VPS53: variants seen among roughly 807,000 people sequenced by gnomAD.
VPS53 encodes the protein vacuolar protein sorting-associated protein 53 homolog.
Under a neutral mutation model 107.0 loss-of-function variants are expected in VPS53, and 70 were observed. The observed-to-expected ratio is 0.65, with a 90% CI of 0.54 to 0.80. The LOEUF (loss-of-function observed/expected upper bound fraction) is 0.80. Ranked by LOEUF, VPS53 falls within the 30% of genes least tolerant of loss-of-function variation. VPS53 has a pLI of 0.00. For synonymous variants in VPS53, 409 were observed against 393.3 expected (o/e 1.04, Z -0.47); for missense variants, 917 against 1,049.4 (o/e 0.87, Z 1.74).
rs545121710 is a variant in VPS53, at chr17:667,019, G to A, written c.286-5124C>T. ...CAATGCAGTCAAGGGAATGGACAGCGATGACATGAAGTAGAGGCTGTGATC... is the reference window on the plus strand; with the variant it reads ...CAATGCAGTCAAGGGAATGGACAGCAATGACATGAAGTAGAGGCTGTGATC... On this transcript the variant is annotated intron_variant, in intron 4 of 21. Transcript: ENST00000437048. 5.3e-5 allele frequency among the ~76,000 whole-genome samples: 8 copies of A among 152,330 alleles called. No individual in the cohort carries two copies. In the South Asian group the frequency reaches 8.3e-4, roughly 16 times the overall value.
chr17:626,623 G>A (rs1364795986), intron 10 of VPS53, among the ~76,000 whole-genome samples: 2 of 152,280 alleles, frequency 1.3e-5, no homozygotes, highest in South Asian at 2.1e-4. Context: ...GCAGTGAGCT[G>A]GGATTGTATC....
At chr17:702,765 T>C (rs1973255229) in intron 2 of VPS53, among the ~76,000 whole-genome samples, 1 of 152,258 alleles carries the variant, frequency 6.6e-6, no homozygotes. Context: ...TTCCAGGCTT[T>C]CTGCTGGAGG....
chr17:571,302 A>C (rs1914029299), intron 13 of VPS53, among the ~76,000 whole-genome samples: 1 of 151,972 alleles, frequency 6.6e-6, no homozygotes, highest in Non-Finnish European at 1.5e-5. Flanking sequence ...AAGAAAAAGA[A>C]GGAAGAGAAA....
At chr17:545,855 C>G (rs1448234879) in intron 17 of VPS53, among the ~76,000 whole-genome samples, 2 of 152,174 alleles carry the variant, frequency 1.3e-5, no homozygotes, top group Non-Finnish European at 2.9e-5. Context: ...TATGCTCTGG[C>G]TGAGGCAAGA....
chr17:548,666 T>C (rs899645198), intron 17 of VPS53, among the ~76,000 whole-genome samples: 1 of 152,272 alleles, frequency 6.6e-6, no homozygotes, highest in South Asian at 2.1e-4. Context: ...TTGGTTGTTC[T>C]CAGTTTTCTT....
rs575534748 is a variant in VPS53, at chr17:692,773, C to A, written c.285+4645G>T. On this transcript the variant is annotated intron_variant, in intron 4 of 21. Coordinates refer to ENST00000437048, the MANE Select transcript of VPS53 (RefSeq NM_001128159.3). ...ATCCCAGCACTTTGGGAGGCCGAGG[C>A]GGGCGGACCACAAGGTCAGGAGTTT... is the stretch of plus-strand genomic sequence containing the variant. Among the ~76,000 whole-genome samples the A allele has an allele frequency of 9.5e-4, 145 of 152,280 alleles. 2 individuals are homozygous for A. The highest frequency in any genetic ancestry group is 3.4e-3 in the African/African-American group (142 of 41,566).
chr17:641,389 A>G (rs1023425634), intron 7 of VPS53, among the ~76,000 whole-genome samples: 2 of 152,246 alleles, frequency 1.3e-5, no homozygotes, highest in African/African-American at 4.8e-5. Context: ...TTCCTCTTCT[A>G]ACCATGAAAA....
intron 16 of VPS53, chr17:552,799 T>C (rs1597287436): frequency 1.4e-5 from 4 of 284,958 alleles, no homozygotes; most frequent in East Asian, 1.3e-4. Context: ...TAGTGGCCAG[T>C]AGGGACTCAT....
chr17:519,951 A>G lies in VPS53; in HGVS notation c.2224-21T>C. On this transcript the variant is annotated intron_variant, in intron 20 of 21. Coordinates refer to ENST00000437048, the MANE Select transcript of VPS53 (RefSeq NM_001128159.3). The surrounding 1 kb of genome is among the most constrained non-coding windows in gnomAD (Gnocchi z 5.0). ...ACTACCTACAGCGGGAGGAGACAGG[A>G]GCAAGCCCCTCAGGAAAACTACCAC... 6.5e-7 allele frequency: 1 copy of G among 1,527,150 alleles called. No individual in the cohort carries two copies. Among genetic ancestry groups the G allele is most frequent in the African/African-American group, 1.4e-5 (1 of 72,626 alleles). The allele number at this position is 1,527,150 out of a possible 1,614,324, so 94.6% of individuals were successfully genotyped here. A position where few individuals can be genotyped will look rare whatever the true frequency, so the allele number is the denominator to read the frequency against.
intron 17 of VPS53, among the ~76,000 whole-genome samples, chr17:544,069 C>T (rs951639396): frequency 1.3e-5 from 2 of 151,010 alleles, no homozygotes; most frequent in East Asian, 2.0e-4. Context: ...AAAGAAGATA[C>T]CAGAAGGAAA....
intron 17 of VPS53, among the ~76,000 whole-genome samples, chr17:539,746 T>C (rs1182989676): frequency 1.3e-5 from 2 of 152,186 alleles, no homozygotes; most frequent in African/African-American, 4.8e-5. Context: ...CTGCCCAGGA[T>C]AGCTACATTA....
chr17:612,256 A>C (rs1237620919), intron 11 of VPS53, among the ~76,000 whole-genome samples: 2 of 130,374 alleles, frequency 1.5e-5, no homozygotes, highest in Admixed American at 7.5e-5. Flanking sequence ...CTGTACAAAT[A>C]TTCACATAGT....
intron 5 of VPS53, among the ~76,000 whole-genome samples, chr17:661,044 G>T: frequency 6.6e-6 from 1 of 151,970 alleles, no homozygotes; most frequent in East Asian, 1.9e-4. Context: ...CACATACACA[G>T]ATCATGGGCG....
rs551728341 is a variant in VPS53 at position 692,508 on chromosome 17, G to A, written c.285+4910C>T. On this transcript the variant is annotated intron_variant, in intron 4 of 21. Transcript: ENST00000437048. ...AGACTCTGCAAACGTTTAGCAGAAT[G>A]TTAACCAAGCGGCTGGTATTTCAGA... Among the ~76,000 whole-genome samples the A allele has an allele frequency of 3.3e-5, 5 of 152,326 alleles. No homozygotes were observed. The South Asian group carries it at 1.0e-3, about 32-fold the overall frequency.
intron 18 of VPS53, among the ~76,000 whole-genome samples, chr17:534,499 A>G (rs1438096493): frequency 6.6e-6 from 1 of 152,164 alleles, no homozygotes; most frequent in Non-Finnish European, 1.5e-5. Context: ...GAGAGTAAAC[A>G]AGGGGCTATT....
chr17:678,930 C>T (rs1395539453), intron 4 of VPS53, among the ~76,000 whole-genome samples: 2 of 212 alleles, frequency 9.4e-3, no homozygotes, highest in African/African-American at 0.017. Flanking sequence ...TGAGCCACCG[C>T]GCCCCCGCCA....
At chr17:575,387 T>C (rs1567640598) in intron 13 of VPS53, among the ~76,000 whole-genome samples, 2 of 152,204 alleles carry the variant, frequency 1.3e-5, no homozygotes, top group South Asian at 2.1e-4. Flanking sequence ...TGAAGTGCAA[T>C]CAGACCTAAA....
chr17:579,518 T>C, intron 13 of VPS53, among the ~76,000 whole-genome samples: 1 of 137,054 alleles, frequency 7.3e-6, no homozygotes, highest in East Asian at 2.4e-4. Flanking sequence ...TCCCTCACAA[T>C]CTCAGTGCAT....
At position 517,298 on chromosome 17, in the gene VPS53, C is replaced by T. The variant is rs1908378934; in HGVS notation, c.*1830G>A. ...AGACGCTTGATGCGTGAGAGTCAAA[C>T]CAGCTAGCAAGGACAGCCTGGAAGC... On this transcript the variant is annotated 3_prime_UTR_variant, in exon 22 of 22. Coordinates refer to ENST00000437048, the MANE Select transcript of VPS53 (RefSeq NM_001128159.3). 2.5e-6 allele frequency: 1 copy of T among 395,696 alleles called. No homozygotes were observed. The highest frequency in any genetic ancestry group is 1.4e-4 in the South Asian group (1 of 7,372). 24.5% of individuals were successfully genotyped at this position (395,696 alleles called of 1,614,324 possible).
Sources: allele counts gnomAD v4.1 joint callset (sites outside exome capture counted in the v4.1 genomes callset), GRCh38; gene constraint gnomAD v4.1.1; non-coding constraint Gnocchi (gnomAD v3.1); transcripts MANE v1.5; gene names NCBI Gene and HGNC (gene_info 2026-07-23, HGNC 2026-07-21).